The following SMYD5 variants were observed in gnomAD, a reference collection of about 807,000 sequenced individuals.
SMYD5 encodes SMYD family member 5.
Under a neutral mutation model 57.4 loss-of-function variants are expected in SMYD5, and 35 were observed. The ratio of observed to expected loss-of-function variants is 0.61; its 90% CI spans 0.47 to 0.81. The LOEUF (loss-of-function observed/expected upper bound fraction) is 0.81, where lower values mean the gene tolerates loss of function less well. Ranked by LOEUF, SMYD5 falls within the 30% of genes least tolerant of loss-of-function variation. The pLI is 0.00. For missense variants in SMYD5, 471 were observed against 527.9 expected, an observed-to-expected ratio of 0.89 and a Z score of 1.06; for synonymous variants, 198 against 189.7, an observed-to-expected ratio of 1.04 and a Z score of -0.36.
chr2:73,216,495 G>A (rs1043389603), intron 1 of SMYD5, among the ~76,000 whole-genome samples: 15 of 151,946 alleles, frequency 9.9e-5, no homozygotes, highest in African/African-American at 2.4e-4. Flanking sequence ...TCAGGAGTTC[G>A]AGACCAGCCT....
At chr2:73,220,602 T>C (rs1332209649) in intron 3 of SMYD5, 59 bp from the exon 4 acceptor site, 14 of 1,596,956 alleles carry the variant, frequency 8.8e-6, no homozygotes, top group South Asian at 5.5e-5. Context: ...AGGAATGCAG[T>C]TAGAGGAGGT....
At chr2:73,217,615 G>T (rs1289978339) in intron 1 of SMYD5, among the ~76,000 whole-genome samples, 1 of 152,194 alleles carries the variant, frequency 6.6e-6, no homozygotes, top group East Asian at 1.9e-4. Flanking sequence ...TCTACTGTGA[G>T]ATAGAGCTTC....
intron 1 of SMYD5, chr2:73,214,783 A>T: frequency 2.3e-6 from 3 of 1,311,976 alleles, no homozygotes; most frequent in Non-Finnish European, 3.0e-6. Context: ...AAGATCCTTC[A>T]CGAGGGTCCT....
In SMYD5 at chr2:73,219,410, T is replaced by G. The variant is rs1327824406; in HGVS notation, c.205+441T>G. Among the ~76,000 whole-genome samples the G allele has an allele frequency of 4.6e-5, 7 of 152,230 alleles. No individual in the cohort carries two copies. In the South Asian group the frequency reaches 1.2e-3, roughly 27 times the overall value. On this transcript the variant is annotated intron_variant, in intron 2 of 12. Transcript: ENST00000389501. ...GGGTCTGGGGGAGGGGGACGGAGTTTCGCTCTTGTCACCCAGGCTAAAGTG... is the reference window on the plus strand; with the variant it reads ...GGGTCTGGGGGAGGGGGACGGAGTTGCGCTCTTGTCACCCAGGCTAAAGTG...
At chr2:73,219,974 C>T in intron 2 of SMYD5, 77 bp from the exon 3 acceptor site, 2 of 1,577,952 alleles carry the variant, frequency 1.3e-6, no homozygotes, top group Non-Finnish European at 1.7e-6. Context: ...CACATAGCAG[C>T]TGCTCTGTAG....
rs547772228 is a variant in SMYD5 at position 73,214,529 on chromosome 2, C to T, written c.96+167C>T. 3.6e-4 allele frequency: 526 copies of T among 1,481,510 alleles called. 4 individuals are homozygous for T. The South Asian group carries it at 5.9e-3, about 17-fold the overall frequency. 91.8% of individuals were successfully genotyped at this position (1,481,510 alleles called of 1,614,324 possible). A position where few individuals can be genotyped will look rare whatever the true frequency, so the allele number is the denominator to read the frequency against. ...CCCAGTCTGTCCCTGCGCGCAGGCT[C>T]GTGGCGCGGTCACGCGATAGACCCG... On this transcript the variant is annotated intron_variant, in intron 1 of 12. Coordinates refer to ENST00000389501, the MANE Select transcript of SMYD5 (RefSeq NM_006062.3).
Position 73,220,729 on chromosome 2 carries a change from C to G in SMYD5, c.414C>G (p.Gly138=). ...AATACCACCAGGTCCTGTGCCCAGG[C>G]CCCTCCCAGGATGACCCCTTGCATC... ...TEQYHQVLCP[G]PSQDDPLHPL... The change falls in exon 4 of 13, where the codon GGC becomes GGG. Residue 138 remains glycine, a synonymous_variant. Coordinates refer to ENST00000389501, the MANE Select transcript of SMYD5 (RefSeq NM_006062.3). The G allele has an allele frequency of 6.2e-7, 1 of 1,614,038 alleles. No individual in the cohort carries two copies.
At chr2:73,222,620 T>G (rs1686417951) in intron 6 of SMYD5, 135 bp from the exon 7 acceptor site, 2 of 708,256 alleles carry the variant, frequency 2.8e-6, no homozygotes, top group Non-Finnish European at 4.8e-6. Flanking sequence ...TCTGTGGCCT[T>G]CCTTTGCCCC....
At position 73,222,810 on chromosome 2, in the gene SMYD5, T is replaced by C. The variant is rs758590737; in HGVS notation, c.698T>C (p.Val233Ala). The change falls in exon 7 of 13, where the codon GTC becomes GCC. Residue 233 changes from valine to alanine, a missense_variant. Coordinates refer to ENST00000389501, the MANE Select transcript of SMYD5 (RefSeq NM_006062.3). Reference protein sequence around the residue: ...LFTEALYEEAVSQWFTPDGFR... With the variant: ...LFTEALYEEAASQWFTPDGFR... ...ACAGAGGCCCTCTATGAGGAAGCAG[T>C]CAGCCAGGTGAGTGAGGAGAGGGTG... The C allele has an allele frequency of 1.2e-5, 19 of 1,613,786 alleles. No individual in the cohort carries two copies. The Admixed American group carries it at 1.8e-4, about 16-fold the overall frequency.
At chr2:73,221,299 T>A in intron 5 of SMYD5, 65 bp downstream of exon 5, 1 of 1,295,510 alleles carries the variant, frequency 7.7e-7, no homozygotes, top group Non-Finnish European at 1.1e-6. Flanking sequence ...GTCTCAGTCT[T>A]TTCCTCACCT....
intron 1 of SMYD5, 87 bp downstream of exon 1, chr2:73,214,449 G>C (rs1686252950): frequency 6.2e-7 from 1 of 1,601,026 alleles, no homozygotes; most frequent in Admixed American, 1.7e-5. Flanking sequence ...GGAGCCCAGA[G>C]GCTTCTGTGC....
In SMYD5 at chr2:73,226,267, C is replaced by G. The variant is rs188868827; in HGVS notation, c.*321C>G. On this transcript the variant is annotated 3_prime_UTR_variant, in exon 13 of 13. Transcript: ENST00000389501. The stretch of plus-strand genomic sequence containing the variant: ...AGGGCCTAACAGTGTTTCTTCCCCT[C>G]GGCCCCACGGCCCATACTCACCCCT... The G allele has an allele frequency of 5.9e-6, 2 of 338,010 alleles. No homozygotes were observed. Among genetic ancestry groups the G allele is most frequent in the Non-Finnish European group, 5.4e-6 (1 of 185,606 alleles). The allele number at this position is 338,010 out of a possible 1,614,324, so 20.9% of individuals were successfully genotyped here.
chr2:73,219,979 C>T (rs1360667411), intron 2 of SMYD5, 72 bp from the exon 3 acceptor site: 1 of 1,576,998 alleles, frequency 6.3e-7, no homozygotes, highest in South Asian at 1.1e-5. Flanking sequence ...AGCAGCTGCT[C>T]TGTAGGGCTG....
At chr2:73,215,635 A>G (rs1686281232) in intron 1 of SMYD5, among the ~76,000 whole-genome samples, 2 of 152,034 alleles carry the variant, frequency 1.3e-5, no homozygotes, top group East Asian at 3.9e-4. Flanking sequence ...CTTTTTCTTC[A>G]TTAGCCCCCA....
intron 8 of SMYD5, 69 bp from the exon 9 acceptor site, chr2:73,223,357 C>T: frequency 2.8e-6 from 3 of 1,090,886 alleles, no homozygotes; most frequent in South Asian, 2.5e-5. Context: ...GCTTAACTTA[C>T]CTGGAGGTGG....
chr2:73,223,583 C>A, intron 9 of SMYD5, 51 bp downstream of exon 9: 1 of 1,216,786 alleles, frequency 8.2e-7, no homozygotes, highest in African/African-American at 1.5e-5. Flanking sequence ...CCCCCCCAGT[C>A]AGATGGTGGA....
In SMYD5 at chr2:73,217,582, T is replaced by G. The variant is rs189536029; in HGVS notation, c.97-1279T>G. Among the ~76,000 whole-genome samples, 6 of 152,308 alleles carry G rather than the reference T, an allele frequency of 3.9e-5. No individual in the cohort carries two copies. In the East Asian group the frequency reaches 1.2e-3, roughly 29 times the overall value. On this transcript the variant is annotated intron_variant, in intron 1 of 12. Transcript: ENST00000389501. Reference sequence around the variant, plus strand: ...AGGGTATGCCCAGGGCTTTGCCTCCTGGTTTTGTTTCACCTGTCCCACTCT... The same window carrying G: ...AGGGTATGCCCAGGGCTTTGCCTCCGGGTTTTGTTTCACCTGTCCCACTCT...
At chr2:73,220,889 TC>T in intron 4 of SMYD5, 107 bp downstream of exon 4, 1 of 1,347,112 alleles carries the variant, frequency 7.4e-7, no homozygotes, top group Non-Finnish European at 1.0e-6. Context: ...CCCGGATTTT[TC>T]TTCCTTTCTT....
rs776752756 is a variant in SMYD5, at chr2:73,218,911, C to A, written c.147C>A (p.Phe49Leu). The A allele has an allele frequency of 6.2e-7, 1 of 1,614,026 alleles. No individual in the cohort carries two copies. The highest frequency in any genetic ancestry group is 2.2e-5 in the East Asian group (1 of 44,880). ...TQLIRKGETI[F>L]VERPLVAAQF... ...TCATCCGGAAGGGGGAGACCATCTT[C>A]GTAGAACGGCCCCTGGTGGCTGCAC... is the stretch of plus-strand genomic sequence containing the variant. The change falls in exon 2 of 13, where the codon TTC becomes TTA. Residue 49 changes from phenylalanine (F) to leucine (L), a missense_variant. Transcript: ENST00000389501.
Sources: allele counts gnomAD v4.1 joint callset (sites outside exome capture counted in the v4.1 genomes callset), GRCh38; gene constraint gnomAD v4.1.1; transcripts MANE v1.5; gene names NCBI Gene and HGNC (gene_info 2026-07-23, HGNC 2026-07-21).